SLC44A5: variants seen among roughly 807,000 people sequenced by gnomAD.
The protein encoded by SLC44A5 is solute carrier family 44 member 5, also known as choline transporter-like protein 5.
Under a neutral mutation model 101.8 loss-of-function variants are expected in SLC44A5, and 57 were observed. That is an observed-to-expected ratio of 0.56 (90% CI 0.45 to 0.70). The LOEUF is 0.70. Ranked by LOEUF, SLC44A5 falls within the 30% of genes least tolerant of loss-of-function variation. The probability of loss-of-function intolerance (pLI) is 0.00; values close to 1 mark genes in which losing one functional copy is unlikely to be tolerated. For missense variants in SLC44A5, 737 were observed against 853.1 expected (o/e 0.86, Z 1.70); for synonymous variants, 281 against 290.9 (o/e 0.97, Z 0.35).
intron 3 of SLC44A5, among the ~76,000 whole-genome samples, chr1:75,371,742 A>G (rs1707164): frequency 6.6e-6 from 1 of 152,270 alleles, no homozygotes; most frequent in African/African-American, 2.4e-5. Flanking sequence ...ATGAAGGCCC[A>G]CCTATTTAAA....
At chr1:75,502,107 T>A (rs1374678830) in intron 2 of SLC44A5, among the ~76,000 whole-genome samples, 1 of 152,172 alleles carries the variant, frequency 6.6e-6, no homozygotes, top group East Asian at 1.9e-4. Context: ...CCAACAATAG[T>A]TTTGTTAACA....
chr1:75,403,695 C>T (rs1458373443), intron 2 of SLC44A5, among the ~76,000 whole-genome samples: 1 of 152,054 alleles, frequency 6.6e-6, no homozygotes, highest in Non-Finnish European at 1.5e-5. Context: ...ATCTGAAGGT[C>T]GCCAACATCA....
chr1:75,345,553 T>C (rs1290129955), intron 3 of SLC44A5, among the ~76,000 whole-genome samples: 1 of 152,164 alleles, frequency 6.6e-6, no homozygotes, highest in Non-Finnish European at 1.5e-5. Flanking sequence ...AATTGACACG[T>C]TGGCTACAAA....
At chr1:75,333,237 A>G (rs1329570575) in intron 4 of SLC44A5, among the ~76,000 whole-genome samples, 1 of 152,180 alleles carries the variant, frequency 6.6e-6, no homozygotes, top group Admixed American at 6.5e-5. Flanking sequence ...ATAAAAGTAA[A>G]TAATTGCCCC....
chr1:75,497,541 T>C (rs1421519138), intron 2 of SLC44A5, among the ~76,000 whole-genome samples: 1 of 151,964 alleles, frequency 6.6e-6, no homozygotes, highest in Non-Finnish European at 1.5e-5. Context: ...GTAGAATAAA[T>C]AAGTTGTAGA....
At chr1:75,453,630 C>A (rs1666024150) in intron 2 of SLC44A5, among the ~76,000 whole-genome samples, 1 of 151,888 alleles carries the variant, frequency 6.6e-6, no homozygotes, top group African/African-American at 2.4e-5. Context: ...TGAAAGGATA[C>A]CCAAGATCAA....
At chr1:75,343,280 C>T (rs896608264) in intron 3 of SLC44A5, among the ~76,000 whole-genome samples, 5 of 152,146 alleles carry the variant, frequency 3.3e-5, no homozygotes, top group African/African-American at 1.2e-4. Context: ...AAGACAGCTA[C>T]ACATTTGTTG....
At chr1:75,639,252 A>C in the SLC44A5 span, among the ~76,000 whole-genome samples, 1 of 152,148 alleles carries the variant, frequency 6.6e-6, no homozygotes, top group Non-Finnish European at 1.5e-5. Flanking sequence ...TACGTTAATC[A>C]GCTAGATTAG....
At chr1:75,384,248 A>C (rs1411448565) in intron 3 of SLC44A5, among the ~76,000 whole-genome samples, 7 of 152,204 alleles carry the variant, frequency 4.6e-5, no homozygotes, top group Non-Finnish European at 2.9e-5. Flanking sequence ...TCCAATGGAA[A>C]GACACAGACT....
At chr1:75,592,158 A>C (rs1396557691) in intron 1 of SLC44A5, among the ~76,000 whole-genome samples, 1 of 152,186 alleles carries the variant, frequency 6.6e-6, no homozygotes, top group Non-Finnish European at 1.5e-5. Context: ...AAACTATTAG[A>C]GCTGATAAAT....
intron 3 of SLC44A5, among the ~76,000 whole-genome samples, chr1:75,363,369 T>C (rs1408011426): frequency 6.6e-6 from 1 of 152,102 alleles, no homozygotes; most frequent in Non-Finnish European, 1.5e-5. Context: ...GTAGATTCTT[T>C]GTTTCTTTCT....
In SLC44A5 at chr1:75,211,489, C is replaced by G. The variant is rs529370554; in HGVS notation, c.2026G>C (p.Glu676Gln). The change falls in exon 23 of 24, where the codon GAA (glutamate) becomes CAA (glutamine). Residue 676 changes from glutamate to glutamine, a missense_variant. Around this residue, in one of 3 missense-constraint regions of SLC44A5, gnomAD observed 61 missense variants for 56.5 expected, o/e 1.08. Coordinates refer to ENST00000370859, the MANE Select transcript of SLC44A5 (RefSeq NM_001130058.2). ...TCACAGAAGCAGATGAAAATTGTTT[C>G]AACACACATTGCATAGACGCTGAAG... ...GFFSVYAMCV[E>Q]TIFICFLEDL... 100 of 1,612,352 alleles carry G rather than the reference C, an allele frequency of 6.2e-5. 2 individuals are homozygous for G. The South Asian group carries it at 1.1e-3, about 17-fold the overall frequency.
chr1:75,715,889 A>T, the SLC44A5 span, among the ~76,000 whole-genome samples: 1 of 152,332 alleles, frequency 6.6e-6, no homozygotes, highest in Non-Finnish European at 1.5e-5. Flanking sequence ...GTATTTGCAA[A>T]CAAAGATCTA....
intron 5 of SLC44A5, among the ~76,000 whole-genome samples, chr1:75,278,110 TG>T (rs1476383250): frequency 6.6e-6 from 1 of 152,096 alleles, no homozygotes; most frequent in Admixed American, 6.6e-5. Context: ...TTCTCCAAAT[TG>T]GGACATACTG....
At chr1:75,622,355 T>C in the SLC44A5 span, among the ~76,000 whole-genome samples, 1 of 151,912 alleles carries the variant, frequency 6.6e-6, no homozygotes, top group East Asian at 1.9e-4. Context: ...CAGAGGAAAA[T>C]TTTGTTAATT....
rs529836617 is a variant in SLC44A5, at chr1:75,276,510, T to C, written c.176-1468A>G. Among the ~76,000 whole-genome samples the C allele has an allele frequency of 2.3e-3, 350 of 152,204 alleles. 1 individual carries two copies. Among genetic ancestry groups the C allele is most frequent in the Non-Finnish European group, 3.7e-3 (251 of 68,022 alleles). ...CACCCGAAGCATTTAGATTGTTAGATTTTCCCTGAGTGAGTCACTTAATTA... is the reference window on the plus strand; with the variant it reads ...CACCCGAAGCATTTAGATTGTTAGACTTTCCCTGAGTGAGTCACTTAATTA... On this transcript the variant is annotated intron_variant, in intron 5 of 23. Coordinates refer to ENST00000370859, the MANE Select transcript of SLC44A5 (RefSeq NM_001130058.2).
intron 2 of SLC44A5, among the ~76,000 whole-genome samples, chr1:75,499,734 A>G (rs1279628140): frequency 6.6e-6 from 1 of 152,108 alleles, no homozygotes; most frequent in Non-Finnish European, 1.5e-5. Context: ...ATACTGTATC[A>G]TTTCATGTGA....
chr1:75,497,272 CGT>C (rs371881254), intron 2 of SLC44A5, among the ~76,000 whole-genome samples: 1 of 151,372 alleles, frequency 6.6e-6, no homozygotes, highest in Non-Finnish European at 1.5e-5. Context: ...AAAAAATTGC[CGT>C]GTGTGTGTGT....
intron 5 of SLC44A5, among the ~76,000 whole-genome samples, chr1:75,294,443 T>C (rs1012629200): frequency 7.9e-5 from 12 of 152,160 alleles, no homozygotes; most frequent in Non-Finnish European, 1.5e-4. Context: ...AAATTAAAAA[T>C]AGAATTATCA....
Sources: allele counts gnomAD v4.1 joint callset (sites outside exome capture counted in the v4.1 genomes callset), GRCh38; gene constraint gnomAD v4.1.1; regional missense constraint gnomAD v4.1.1; transcripts MANE v1.5; gene names NCBI Gene and HGNC (gene_info 2026-07-23, HGNC 2026-07-21).